Variants in HIPK2 observed in about 807,000 individuals in gnomAD.
HIPK2 encodes the protein homeodomain-interacting protein kinase 2.
In HIPK2, 27 loss-of-function variants were observed where a neutral mutation model predicts 113.7. The observed-to-expected ratio is 0.24, with a 90% CI of 0.17 to 0.33. The LOEUF is 0.33. Ranked by LOEUF, HIPK2 falls within the 10% of genes least tolerant of loss-of-function variation. The pLI is 1.00. For synonymous variants in HIPK2, 631 were observed against 642.2 expected (o/e 0.98, Z 0.26); for missense variants, 1,257 against 1,588.0 (o/e 0.79, Z 3.54).
intron 2 of HIPK2, among the ~76,000 whole-genome samples, chr7:139,648,694 C>T (rs937154879): frequency 6.6e-5 from 10 of 152,126 alleles, no homozygotes; most frequent in Admixed American, 2.6e-4. Context: ...TCTCATCAGC[C>T]CCGTCTGCAT....
At chr7:139,589,671 C>T (rs1237740915) in intron 12 of HIPK2, among the ~76,000 whole-genome samples, 2 of 152,166 alleles carry the variant, frequency 1.3e-5, no homozygotes, top group Admixed American at 6.5e-5. Flanking sequence ...GACAGCTTGG[C>T]GTGGGTGACC....
chr7:139,576,558 C>A (rs531064699), intron 13 of HIPK2, among the ~76,000 whole-genome samples: 1 of 152,238 alleles, frequency 6.6e-6, no homozygotes, highest in African/African-American at 2.4e-5. Context: ...TCTTCAGAGC[C>A]CAGTGGTTTT....
chr7:139,672,329 C>T (rs1383847485), intron 2 of HIPK2, among the ~76,000 whole-genome samples: 3 of 151,952 alleles, frequency 2.0e-5, no homozygotes, highest in Non-Finnish European at 4.4e-5. Flanking sequence ...TCTTTCATAG[C>T]GAGGACCAGT....
intron 10 of HIPK2, among the ~76,000 whole-genome samples, chr7:139,603,298 TG>T (rs1297470068): frequency 1.3e-5 from 2 of 151,986 alleles, no homozygotes; most frequent in Middle Eastern, 3.2e-3. Context: ...CATGAGGAGT[TG>T]GGGACAACTT....
chr7:139,765,965 T>C (rs1297214109), intron 1 of HIPK2, among the ~76,000 whole-genome samples: 1 of 152,244 alleles, frequency 6.6e-6, no homozygotes, highest in African/African-American at 2.4e-5. Context: ...AATTGGTCTC[T>C]CAAGTTTTAA....
intron 2 of HIPK2, among the ~76,000 whole-genome samples, chr7:139,637,320 C>T (rs1460744217): frequency 6.6e-6 from 1 of 152,242 alleles, no homozygotes; most frequent in East Asian, 1.9e-4. Context: ...CCTCCATGGC[C>T]ATGGGGCCTC....
chr7:139,696,247 T>C (rs1005094319), intron 2 of HIPK2, among the ~76,000 whole-genome samples: 1 of 152,130 alleles, frequency 6.6e-6, no homozygotes, highest in Admixed American at 6.5e-5. Context: ...AATATAATTA[T>C]CCATGTGGCA....
Position 139,583,880 on chromosome 7 carries a change from T to C in HIPK2, c.2902A>G (p.Ile968Val). Residue 968 changes from isoleucine to valine, a missense_variant, in exon 13 of 15, where the codon ATC (isoleucine) becomes GTC (valine). By Grantham distance (29) the Ile-to-Val change is conservative. This residue lies in a region of HIPK2 where 862 missense variants were observed against 1,004.3 expected (regional missense o/e 0.86). Transcript: ENST00000406875. Reference sequence around the variant, plus strand: ...GCCTGGGTTTTCAGGGGTGGCACGATGATGGTTCGGGGGTTCCCCGTGCAG... The same window carrying C: ...GCCTGGGTTTTCAGGGGTGGCACGACGATGGTTCGGGGGTTCCCCGTGCAG... ...NHCTGNPRTI[I>V]VPPLKTQASE... is the part of the protein sequence containing the mutation. 1 of 1,613,594 alleles carries C rather than the reference T, an allele frequency of 6.2e-7. No homozygotes were observed. The highest frequency in any genetic ancestry group is 8.5e-7 in the Non-Finnish European group (1 of 1,179,760).
intron 2 of HIPK2, among the ~76,000 whole-genome samples, chr7:139,696,837 T>C (rs1389721933): frequency 2.0e-5 from 3 of 152,172 alleles, no homozygotes; most frequent in Non-Finnish European, 4.4e-5. Context: ...CTCAGAGAGA[T>C]GAATGTTTCT....
chr7:139,679,497 G>C (rs1802621661), intron 2 of HIPK2, among the ~76,000 whole-genome samples: 1 of 152,126 alleles, frequency 6.6e-6, no homozygotes, highest in Non-Finnish European at 1.5e-5. Context: ...AACACTATAT[G>C]CTCAGAAATA....
intron 2 of HIPK2, among the ~76,000 whole-genome samples, chr7:139,692,715 G>GA (rs201163409): frequency 1.7e-4 from 25 of 150,490 alleles, no homozygotes; most frequent in Admixed American, 7.9e-4. Context: ...ATATGCATCA[G>GA]AAAAAAAAAC....
In HIPK2 at chr7:139,613,370, G is replaced by A; in HGVS notation, c.1991-47C>T. The A allele has an allele frequency of 1.2e-6, 2 of 1,602,286 alleles. No homozygotes were observed. The highest frequency in any genetic ancestry group is 1.7e-6 in the Non-Finnish European group (2 of 1,174,100). ...AGAGAAGGGTTAGCTGAGACGCTGT[G>A]AACAGCTGGATGAAAAGAACCTTCC... is the stretch of plus-strand genomic sequence containing the variant. On this transcript the variant is annotated intron_variant, in intron 8 of 14. Transcript: ENST00000406875. This position sits in a 1 kb window ranked among gnomAD's most constrained non-coding sequence, Gnocchi z 4.2.
chr7:139,659,477 AC>A (rs1457456921), intron 2 of HIPK2, among the ~76,000 whole-genome samples: 1 of 151,972 alleles, frequency 6.6e-6, no homozygotes, highest in Non-Finnish European at 1.5e-5. Context: ...CCCAGCACAG[AC>A]CCCCGGCTGC....
chr7:139,724,940 T>A (rs1232178062), intron 1 of HIPK2, among the ~76,000 whole-genome samples: 1 of 152,078 alleles, frequency 6.6e-6, no homozygotes, highest in African/African-American at 2.4e-5. Context: ...TGGAATACTA[T>A]GCAGCCATAC....
Position 139,601,076 on chromosome 7 carries a change from C to T in HIPK2, c.2256-480G>A, listed in dbSNP as rs114613537. Among the ~76,000 whole-genome samples, 720 of 152,132 alleles carry T rather than the reference C, an allele frequency of 4.7e-3. 6 individuals carry two copies. Among genetic ancestry groups the T allele is most frequent in the African/African-American group, 0.017 (693 of 41,504 alleles). Reference sequence around the variant, plus strand: ...TGGGCAACATGGCAAAACCCCCTTTCTACCAGAAATACAAAAAATTAGCTG... The same window carrying T: ...TGGGCAACATGGCAAAACCCCCTTTTTACCAGAAATACAAAAAATTAGCTG... On this transcript the variant is annotated intron_variant, in intron 10 of 14. Transcript: ENST00000406875.
intron 7 of HIPK2, among the ~76,000 whole-genome samples, chr7:139,619,694 T>G (rs1456269685): frequency 6.6e-6 from 1 of 152,220 alleles, no homozygotes; most frequent in Non-Finnish European, 1.5e-5. Flanking sequence ...CTGAACTGGG[T>G]GATTCCCTGA....
rs562890538 is a variant in HIPK2 at position 139,640,689 on chromosome 7, G to A, written c.1104-8964C>T. On this transcript the variant is annotated intron_variant, in intron 2 of 14. Transcript: ENST00000406875. ...TTTTGAGACAGGGTCTCGCTCTGTTGTCCAGGCTGGAGTGCAGTGGCACAA... is the reference window on the plus strand; with the variant it reads ...TTTTGAGACAGGGTCTCGCTCTGTTATCCAGGCTGGAGTGCAGTGGCACAA... Among the ~76,000 whole-genome samples, 3 of 151,670 alleles carry A rather than the reference G, an allele frequency of 2.0e-5. No individual in the cohort carries two copies. In the South Asian group the frequency reaches 6.3e-4, roughly 32 times the overall value.
intron 1 of HIPK2, among the ~76,000 whole-genome samples, chr7:139,721,365 A>T (rs886916259): frequency 6.6e-6 from 1 of 152,134 alleles, no homozygotes; most frequent in African/African-American, 2.4e-5. Flanking sequence ...ATTTCCAAAC[A>T]TTTCTCCTTG....
intron 12 of HIPK2, among the ~76,000 whole-genome samples, chr7:139,593,618 G>A (rs533792594): frequency 4.6e-5 from 7 of 152,270 alleles, no homozygotes; most frequent in East Asian, 3.9e-4. Context: ...GAAGGTCATC[G>A]GCTGCCTGAC....
Sources: allele counts gnomAD v4.1 joint callset (sites outside exome capture counted in the v4.1 genomes callset), GRCh38; gene constraint gnomAD v4.1.1; regional missense constraint gnomAD v4.1.1; non-coding constraint Gnocchi (gnomAD v3.1); transcripts MANE v1.5; gene names NCBI Gene and HGNC (gene_info 2026-07-23, HGNC 2026-07-21).